The following RAB11FIP5 variants were observed in gnomAD, a reference collection of about 807,000 sequenced individuals.
RAB11FIP5 encodes the protein rab11 family-interacting protein 5.
RAB11FIP5 carries 48 observed loss-of-function variants against 85.1 expected under a neutral mutation model. The ratio of observed to expected loss-of-function variants is 0.56; its 90% CI spans 0.45 to 0.72. The LOEUF (loss-of-function observed/expected upper bound fraction) is 0.72. RAB11FIP5 is among the 30% of genes least tolerant of loss of function. RAB11FIP5 has a pLI of 0.00. For synonymous variants in RAB11FIP5, 729 were observed against 727.3 expected, an observed-to-expected ratio of 1.00 and a Z score of -0.04; for missense variants, 1,491 against 1,687.0, an observed-to-expected ratio of 0.88 and a Z score of 2.04.
intron 1 of RAB11FIP5, among the ~76,000 whole-genome samples, chr2:73,094,851 G>A (rs1159813892): frequency 6.6e-6 from 1 of 152,044 alleles, no homozygotes; most frequent in Admixed American, 6.6e-5. Flanking sequence ...AGTTACCAAA[G>A]GAACACACTG....
chr2:73,106,854 T>G lies in RAB11FIP5; in HGVS notation c.431+5493A>C, dbSNP rs975970411. 2.6e-5 allele frequency among the ~76,000 whole-genome samples: 4 copies of G among 152,090 alleles called. No individual in the cohort carries two copies. In the East Asian group the frequency reaches 5.8e-4, roughly 22 times the overall value. On this transcript the variant is annotated intron_variant, in intron 1 of 5. Transcript: ENST00000486777. ...TCCCATGAGTAAGGGCTGTGCTCCC[T>G]TCTCCACTACCAGGTGAACCAAAGG...
At chr2:73,085,571 A>C (rs1235926453) in intron 3 of RAB11FIP5, among the ~76,000 whole-genome samples, 4 of 152,288 alleles carry the variant, frequency 2.6e-5, no homozygotes, top group Non-Finnish European at 4.4e-5. Flanking sequence ...TCCTGTGGCC[A>C]AGACAAGCTT....
intron 1 of RAB11FIP5, among the ~76,000 whole-genome samples, chr2:73,103,604 C>A (rs1684469586): frequency 1.3e-5 from 2 of 152,188 alleles, no homozygotes; most frequent in South Asian, 4.1e-4. Flanking sequence ...CCTGAGACCC[C>A]AGTCTCCATA....
In RAB11FIP5 at chr2:73,076,394, G is replaced by C. The variant is rs888588088; in HGVS notation, c.3582-212C>G. Among the ~76,000 whole-genome samples the C allele has an allele frequency of 3.3e-5, 5 of 152,004 alleles. No individual in the cohort carries two copies. The East Asian group carries it at 7.7e-4, about 23-fold the overall frequency. On this transcript the variant is annotated intron_variant, in intron 4 of 5. Transcript: ENST00000486777. ...GGCCTCAATTCCCACCCCACCACCT[G>C]CTCCCTCCCCATTTCACTCCCTCAT...
chr2:73,097,414 A>ATCAACATGACAAAATGCTGCACATGT (rs2106117891), intron 1 of RAB11FIP5, among the ~76,000 whole-genome samples: 2 of 152,356 alleles, frequency 1.3e-5, no homozygotes, highest in African/African-American at 4.8e-5. Flanking sequence ...CCATGTGCAC[A>ATCAACATGACAAAATGCTGCACATGT]TCAACATGAC....
At chr2:73,082,718 G>C (rs964579964) in intron 3 of RAB11FIP5, among the ~76,000 whole-genome samples, 1 of 152,202 alleles carries the variant, frequency 6.6e-6, no homozygotes, top group African/African-American at 2.4e-5. Flanking sequence ...TAGGACACTG[G>C]AGAACAGGTT....
rs1006075602 is a variant in RAB11FIP5, at chr2:73,078,259, T to G, written c.3581+1392A>C. 1.3e-5 allele frequency among the ~76,000 whole-genome samples: 2 copies of G among 152,256 alleles called. No homozygotes were observed. The highest frequency in any genetic ancestry group is 6.5e-5 in the Admixed American group (1 of 15,286). ...GGGATCCTAAACCCTGCGCCTCTCATGGGCTCTATTTCTTCCTTTGAGGAA... is the reference window on the plus strand; with the variant it reads ...GGGATCCTAAACCCTGCGCCTCTCAGGGGCTCTATTTCTTCCTTTGAGGAA... On this transcript the variant is annotated intron_variant, in intron 4 of 5. Coordinates refer to ENST00000486777, the MANE Select transcript of RAB11FIP5 (RefSeq NM_001371272.1). This position sits in a 1 kb window ranked among gnomAD's most constrained non-coding sequence, Gnocchi z 4.4.
At chr2:73,083,384 C>G (rs1047587412) in intron 3 of RAB11FIP5, among the ~76,000 whole-genome samples, 3 of 152,198 alleles carry the variant, frequency 2.0e-5, no homozygotes, top group Non-Finnish European at 2.9e-5. Context: ...GAAGGGAGGT[C>G]AGCCTCACAG....
chr2:73,095,479 G>A (rs1173781568), intron 1 of RAB11FIP5, among the ~76,000 whole-genome samples: 2 of 152,262 alleles, frequency 1.3e-5, no homozygotes, highest in Non-Finnish European at 1.5e-5. Context: ...TGGCCCAGAG[G>A]CCACACCTGA....
At chr2:73,102,957 T>C (rs981451102) in intron 1 of RAB11FIP5, among the ~76,000 whole-genome samples, 1 of 151,932 alleles carries the variant, frequency 6.6e-6, no homozygotes, top group Non-Finnish European at 1.5e-5. Flanking sequence ...ATATTCAGAG[T>C]ATGGTGACAC....
At chr2:73,083,524 G>C (rs1172517102) in intron 3 of RAB11FIP5, among the ~76,000 whole-genome samples, 1 of 152,164 alleles carries the variant, frequency 6.6e-6, no homozygotes, top group South Asian at 2.1e-4. Flanking sequence ...AAGATGGAGG[G>C]AGAGGGAGGT....
chr2:73,079,035 G>A (rs144282122), intron 4 of RAB11FIP5, among the ~76,000 whole-genome samples: 3 of 152,218 alleles, frequency 2.0e-5, no homozygotes, highest in African/African-American at 2.4e-5. Context: ...ACTGCTGCGC[G>A]TGGGGAACCT....
At chr2:73,106,307 T>C (rs1684524889) in intron 1 of RAB11FIP5, among the ~76,000 whole-genome samples, 1 of 152,174 alleles carries the variant, frequency 6.6e-6, no homozygotes, top group African/African-American at 2.4e-5. Flanking sequence ...GGGAGGCAGA[T>C]GGGTTCCATG....
Position 73,081,041 on chromosome 2 carries a change from TC to T in RAB11FIP5, c.2190del (p.Asn731ThrfsTer16). 1.6e-6 allele frequency: 2 copies of T among 1,232,576 alleles called. No individual in the cohort carries two copies. Among genetic ancestry groups the T allele is most frequent in the Non-Finnish European group, 2.0e-6 (2 of 988,318 alleles). 76.4% of individuals were successfully genotyped at this position (1,232,576 alleles called of 1,614,324 possible). A position where few individuals can be genotyped will look rare whatever the true frequency, so the allele number is the denominator to read the frequency against. ...TCAGCCGCGCTCGCGCTCTGGTGGTTCGGTCCCAAGTCCAGAGGAACCCTGG... is the reference window on the plus strand; with the variant it reads ...TCAGCCGCGCTCGCGCTCTGGTGGTTGGTCCCAAGTCCAGAGGAACCCTGG... ...LEPRVPLDLG[P>X]NHQSASAADP... On this transcript the variant is annotated frameshift_variant, in exon 4 of 6. Coordinates refer to ENST00000486777, the MANE Select transcript of RAB11FIP5 (RefSeq NM_001371272.1). LOFTEE classifies it high-confidence loss of function. The surrounding 1 kb of genome is among the most constrained non-coding windows in gnomAD (Gnocchi z 4.2).
At chr2:73,090,250 C>G (rs1004703590) in intron 1 of RAB11FIP5, among the ~76,000 whole-genome samples, 27 of 152,186 alleles carry the variant, frequency 1.8e-4, no homozygotes, top group Non-Finnish European at 4.4e-5. Context: ...CCCAGAGAGA[C>G]ACAGAGACAG....
chr2:73,081,006 G>A lies in RAB11FIP5; in HGVS notation c.2226C>T (p.Leu742=), dbSNP rs1007959887. 8.1e-7 allele frequency: 1 copy of A among 1,232,244 alleles called. No individual in the cohort carries two copies. The highest frequency in any genetic ancestry group is 4.1e-5 in the South Asian group (1 of 24,332). 76.3% of individuals were successfully genotyped at this position (1,232,244 alleles called of 1,614,324 possible). ...HQSASAADPG[L]LGSVGAGLPS... ...GCAGGCCAGCCCCTACCGACCCGAG[G>A]AGCCCTGGGTCAGCCGCGCTCGCGC... is the stretch of plus-strand genomic sequence containing the variant. Residue 742 remains leucine, a synonymous_variant, in exon 4 of 6, where the codon CTC becomes CTT. Coordinates refer to ENST00000486777, the MANE Select transcript of RAB11FIP5 (RefSeq NM_001371272.1). The surrounding 1 kb of genome is among the most constrained non-coding windows in gnomAD (Gnocchi z 4.2).
At chr2:73,082,707 T>C (rs574492041) in intron 3 of RAB11FIP5, among the ~76,000 whole-genome samples, 3 of 152,298 alleles carry the variant, frequency 2.0e-5, no homozygotes, top group Non-Finnish European at 4.4e-5. Flanking sequence ...GCAGGTGCTC[T>C]TAGGACACTG....
At chr2:73,107,500 T>C (rs1366197896) in intron 1 of RAB11FIP5, among the ~76,000 whole-genome samples, 1 of 152,028 alleles carries the variant, frequency 6.6e-6, no homozygotes, top group Non-Finnish European at 1.5e-5. Context: ...GGGGCAGAGA[T>C]GGGGCTGACC....
chr2:73,087,982 C>T, intron 3 of RAB11FIP5, 68 bp downstream of exon 3: 1 of 1,440,886 alleles, frequency 6.9e-7, no homozygotes, highest in Non-Finnish European at 9.4e-7. Context: ...CTCCCTGCCC[C>T]AGGGTCCAGG....
Sources: gnomAD v4.1 joint callset for allele counts (sites outside exome capture counted in the v4.1 genomes callset) on GRCh38, gnomAD v4.1.1 for gene constraint, Gnocchi (gnomAD v3.1) non-coding constraint, MANE v1.5 for transcripts, NCBI Gene and HGNC (gene_info 2026-07-23, HGNC 2026-07-21) for gene names.